The following MAPK4 variants were observed in gnomAD, a reference collection of about 807,000 sequenced individuals.
MAPK4 encodes mitogen-activated protein kinase 4.
In MAPK4, 22 loss-of-function variants were observed where a neutral mutation model predicts 47.7. The ratio of observed to expected loss-of-function variants is 0.46; its 90% CI spans 0.33 to 0.66. MAPK4 has a LOEUF of 0.66. MAPK4 is among the 30% of genes least tolerant of loss of function. The probability of loss-of-function intolerance (pLI) is 0.02; values close to 1 mark genes in which losing one functional copy is unlikely to be tolerated. For synonymous variants in MAPK4, 390 were observed against 365.7 expected (o/e 1.07, Z -0.76); for missense variants, 736 against 831.7 (o/e 0.88, Z 1.42).
chr18:50,611,906 G>C (rs1344959061), intron 1 of MAPK4, among the ~76,000 whole-genome samples: 1 of 152,084 alleles, frequency 6.6e-6, no homozygotes, highest in Non-Finnish European at 1.5e-5. Flanking sequence ...TCTTTACATA[G>C]AGCCCTCAGG....
At chr18:50,716,918 C>T (rs1417892451) in intron 3 of MAPK4, among the ~76,000 whole-genome samples, 1 of 152,162 alleles carries the variant, frequency 6.6e-6, no homozygotes, top group Non-Finnish European at 1.5e-5. Context: ...TGCTTGCCTG[C>T]TATTAACAAA....
At chr18:50,571,693 G>A (rs1302932960) in intron 1 of MAPK4, among the ~76,000 whole-genome samples, 1 of 152,166 alleles carries the variant, frequency 6.6e-6, no homozygotes, top group Admixed American at 6.5e-5. Flanking sequence ...TTCCATTTAT[G>A]TGGATTTGAG....
At chr18:50,690,398 C>T (rs1909146118) in intron 2 of MAPK4, among the ~76,000 whole-genome samples, 1 of 152,222 alleles carries the variant, frequency 6.6e-6, no homozygotes, top group African/African-American at 2.4e-5. Context: ...CATCTTACTA[C>T]TAACAGCTCA....
chr18:50,584,516 G>C (rs142902148), intron 1 of MAPK4, among the ~76,000 whole-genome samples: 5 of 152,314 alleles, frequency 3.3e-5, no homozygotes, highest in African/African-American at 4.8e-5. Context: ...AAATATGAGA[G>C]AGTATTTGAA....
intron 1 of MAPK4, among the ~76,000 whole-genome samples, chr18:50,608,377 C>T (rs2042600763): frequency 6.6e-6 from 1 of 152,242 alleles, no homozygotes; most frequent in Non-Finnish European, 1.5e-5. Context: ...GTGGAGTTAA[C>T]ATTCCGAGCT....
At chr18:50,687,767 C>T (rs1420016194) in intron 2 of MAPK4, among the ~76,000 whole-genome samples, 4 of 152,160 alleles carry the variant, frequency 2.6e-5, no homozygotes, top group Non-Finnish European at 5.9e-5. Context: ...CCACAGAAAT[C>T]CTTCTGGGCC....
chr18:50,669,290 G>A (rs1334247459), intron 2 of MAPK4: 4 of 152,258 alleles, frequency 2.6e-5, no homozygotes, highest in Non-Finnish European at 5.9e-5. Context: ...CCATTAGGAA[G>A]CAGACTATCT....
chr18:50,586,865 T>C (rs1238424300), intron 1 of MAPK4, among the ~76,000 whole-genome samples: 2 of 152,214 alleles, frequency 1.3e-5, no homozygotes, highest in Admixed American at 6.5e-5. Flanking sequence ...CATTTAATCT[T>C]TACTTTTAGG....
At chr18:50,569,110 G>A (rs1017485703) in intron 1 of MAPK4, among the ~76,000 whole-genome samples, 5 of 152,128 alleles carry the variant, frequency 3.3e-5, no homozygotes, top group African/African-American at 1.2e-4. Context: ...ATGTTGTCAT[G>A]TCTCCTTGTG....
At position 50,729,927 on chromosome 18, in the gene MAPK4, C is replaced by T; in HGVS notation, c.*73C>T. ...AAAGCCGGGGCTGGCAGGAGGCGGC[C>T]GCCCTTCCCGCCCCTCTCTGCTGCC... On this transcript the variant is annotated 3_prime_UTR_variant, in exon 6 of 6. Transcript: ENST00000400384. 7.1e-7 allele frequency: 1 copy of T among 1,402,666 alleles called. No individual in the cohort carries two copies. Among genetic ancestry groups the T allele is most frequent in the Non-Finnish European group, 9.5e-7 (1 of 1,053,190 alleles). The allele number at this position is 1,402,666 out of a possible 1,614,324, so 86.9% of individuals were successfully genotyped here. A position where few individuals can be genotyped will look rare whatever the true frequency, so the allele number is the denominator to read the frequency against.
At chr18:50,624,065 C>T (rs1004464728) in intron 1 of MAPK4, among the ~76,000 whole-genome samples, 5 of 152,258 alleles carry the variant, frequency 3.3e-5, no homozygotes, top group Non-Finnish European at 5.9e-5. Flanking sequence ...AATCACATCA[C>T]CTGTCCCTAT....
At chr18:50,682,646 A>G (rs1908652524) in intron 2 of MAPK4, among the ~76,000 whole-genome samples, 1 of 152,254 alleles carries the variant, frequency 6.6e-6, no homozygotes, top group Admixed American at 6.5e-5. Flanking sequence ...TTGAAAATCA[A>G]TGTTATAACC....
At chr18:50,659,671 G>C (rs1004396522) in intron 1 of MAPK4, among the ~76,000 whole-genome samples, 2 of 152,256 alleles carry the variant, frequency 1.3e-5, no homozygotes, top group African/African-American at 4.8e-5. Context: ...CCATTGTTCA[G>C]AGTCCTGAGG....
chr18:50,729,569 C>A lies in MAPK4; in HGVS notation c.1479C>A (p.Ile493=). Reference sequence around the variant, plus strand: ...AGCCGGCCAGCCTCTTCCTGGAGATCGCGCAGTGGGTCAAGAGCACGCAGG... The same window carrying A: ...AGCCGGCCAGCCTCTTCCTGGAGATAGCGCAGTGGGTCAAGAGCACGCAGG... ...EDEPASLFLE[I]AQWVKSTQGG... The change falls in exon 6 of 6, where the codon ATC becomes ATA. Residue 493 remains isoleucine (I), a synonymous_variant. Coordinates refer to ENST00000400384, the MANE Select transcript of MAPK4 (RefSeq NM_002747.4). The A allele has an allele frequency of 2.1e-6, 3 of 1,423,888 alleles. No individual in the cohort carries two copies. In the African/African-American group the frequency reaches 4.4e-5, roughly 21 times the overall value. 88.2% of individuals were successfully genotyped at this position (1,423,888 alleles called of 1,614,324 possible).
At chr18:50,645,247 G>A (rs2042978025) in intron 1 of MAPK4, among the ~76,000 whole-genome samples, 1 of 152,090 alleles carries the variant, frequency 6.6e-6, no homozygotes, top group Non-Finnish European at 1.5e-5. Context: ...CATCCATAGT[G>A]GCCTTAGAAA....
chr18:50,696,075 A>T (rs1435274228), intron 2 of MAPK4, among the ~76,000 whole-genome samples: 1 of 151,320 alleles, frequency 6.6e-6, no homozygotes, highest in Non-Finnish European at 1.5e-5. Context: ...AGTGGGCAAG[A>T]TGAGAGCCAG....
intron 2 of MAPK4, among the ~76,000 whole-genome samples, chr18:50,675,791 A>AT (rs1908235330): frequency 6.6e-6 from 1 of 151,598 alleles, no homozygotes; most frequent in African/African-American, 2.4e-5. Flanking sequence ...CGCCCAGCCC[A>AT]TTTTTTTGTA....
intron 1 of MAPK4, among the ~76,000 whole-genome samples, chr18:50,643,744 C>G (rs1424236180): frequency 6.6e-6 from 1 of 152,058 alleles, no homozygotes; most frequent in East Asian, 1.9e-4. Context: ...TGGTTTTAGC[C>G]CCTCCCACCT....
rs898857097 is a variant in MAPK4, at chr18:50,730,841, C to G, written c.*987C>G. The G allele has an allele frequency of 2.0e-5, 3 of 152,142 alleles. No homozygotes were observed. The highest frequency in any genetic ancestry group is 7.2e-5 in the African/African-American group (3 of 41,404). The allele number at this position is 152,142 out of a possible 1,614,324, so 9.4% of individuals were successfully genotyped here. On this transcript the variant is annotated 3_prime_UTR_variant, in exon 6 of 6. Coordinates refer to ENST00000400384, the MANE Select transcript of MAPK4 (RefSeq NM_002747.4). ...CCCCCCACCTAACCACAGCGCCTCT[C>G]CAGACCTACCTCGGGACCTAATGTT...
Sources: gnomAD v4.1 joint callset for allele counts (sites outside exome capture counted in the v4.1 genomes callset) on GRCh38, gnomAD v4.1.1 for gene constraint, MANE v1.5 for transcripts, NCBI Gene and HGNC (gene_info 2026-07-23, HGNC 2026-07-21) for gene names.